The following TOLLIP variants were observed in gnomAD, a reference collection of about 807,000 sequenced individuals.
TOLLIP encodes the protein toll interacting protein.
Under a neutral mutation model 33.5 loss-of-function variants are expected in TOLLIP, and 16 were observed. The observed-to-expected ratio is 0.48, with a 90% CI of 0.32 to 0.72. The LOEUF (loss-of-function observed/expected upper bound fraction) is 0.72, where lower values mean the gene tolerates loss of function less well. Ranked by LOEUF, TOLLIP falls within the 30% of genes least tolerant of loss-of-function variation. TOLLIP has a pLI of 0.03. For missense variants in TOLLIP, 325 were observed against 396.6 expected (o/e 0.82, Z 1.53); for synonymous variants, 176 against 163.7 (o/e 1.07, Z -0.57).
intron 4 of TOLLIP, among the ~76,000 whole-genome samples, chr11:1,287,250 T>C (rs1863740488): frequency 1.3e-5 from 2 of 152,210 alleles, no homozygotes; most frequent in African/African-American, 4.8e-5. Context: ...GGTTCTGTGT[T>C]TGTATGAAAG....
At chr11:1,284,506 G>A (rs1399300200) in intron 5 of TOLLIP, among the ~76,000 whole-genome samples, 4 of 152,126 alleles carry the variant, frequency 2.6e-5, no homozygotes, top group Non-Finnish European at 5.9e-5. Context: ...CCACCACCGC[G>A]CCCGGCTAAT....
At chr11:1,308,572 T>A (rs1374243147) in intron 1 of TOLLIP, among the ~76,000 whole-genome samples, 2 of 152,048 alleles carry the variant, frequency 1.3e-5, no homozygotes, top group Non-Finnish European at 2.9e-5. Flanking sequence ...CATCTCTGAG[T>A]CAGTCTACAC....
At chr11:1,281,609 G>C (rs972392989) in intron 5 of TOLLIP, among the ~76,000 whole-genome samples, 1 of 152,248 alleles carries the variant, frequency 6.6e-6, no homozygotes, top group Non-Finnish European at 1.5e-5. Context: ...GGGCTGGCGA[G>C]AAGCAGGGCC....
chr11:1,304,025 G>A (rs1300446340), intron 1 of TOLLIP, among the ~76,000 whole-genome samples: 8 of 144,778 alleles, frequency 5.5e-5, no homozygotes, highest in Non-Finnish European at 9.0e-5. Flanking sequence ...TACAGAGCGA[G>A]CCTCCATGTA....
Position 1,275,018 on chromosome 11 carries a change from GGCCTT to G in TOLLIP, c.*2016_*2020del, listed in dbSNP as rs1229608120. ...GAAAGAAGAATCTTATTTAATTAAA[GGCCTT>G]GCAAAATGTGATTTGTCTATTAAAA... On this transcript the variant is annotated 3_prime_UTR_variant, in exon 6 of 6. Coordinates refer to ENST00000317204, the MANE Select transcript of TOLLIP (RefSeq NM_019009.4). 6.6e-6 allele frequency: 1 copy of G among 152,202 alleles called. No homozygotes were observed. The highest frequency in any genetic ancestry group is 1.9e-4 in the East Asian group (1 of 5,200). 9.4% of individuals were successfully genotyped at this position (152,202 alleles called of 1,614,324 possible).
chr11:1,284,441 T>G (rs1051858939), intron 5 of TOLLIP, among the ~76,000 whole-genome samples: 1 of 152,028 alleles, frequency 6.6e-6, no homozygotes, highest in Non-Finnish European at 1.5e-5. Flanking sequence ...CTCCACCTCC[T>G]GGGTTCACAC....
intron 1 of TOLLIP, among the ~76,000 whole-genome samples, chr11:1,307,158 A>C (rs981947436): frequency 2.0e-5 from 3 of 152,192 alleles, no homozygotes; most frequent in African/African-American, 7.2e-5. Context: ...ATTAAGTCAC[A>C]TGTACTCCAA....
chr11:1,283,859 C>T (rs1416211601), intron 5 of TOLLIP, among the ~76,000 whole-genome samples: 1 of 152,166 alleles, frequency 6.6e-6, no homozygotes, highest in East Asian at 1.9e-4. Flanking sequence ...CTCCTCACAG[C>T]CTTGACGAGT....
At position 1,287,039 on chromosome 11, in the gene TOLLIP, G is replaced by A. The variant is rs540916557; in HGVS notation, c.520-947C>T. On this transcript the variant is annotated intron_variant, in intron 4 of 5. Coordinates refer to ENST00000317204, the MANE Select transcript of TOLLIP (RefSeq NM_019009.4). The stretch of plus-strand genomic sequence containing the variant: ...GCGGATAAGTCACTGCACCACTGTC[G>A]CCTCTGAGTTCAAAACTGTCAGCTG... Among the ~76,000 whole-genome samples the A allele has an allele frequency of 8.0e-5, 12 of 150,554 alleles. No homozygotes were observed. In the East Asian group the frequency reaches 1.2e-3, roughly 15 times the overall value.
chr11:1,285,945 C>T, intron 5 of TOLLIP, 57 bp downstream of exon 5: 1 of 1,429,030 alleles, frequency 7.0e-7, no homozygotes, highest in Non-Finnish European at 9.6e-7. Flanking sequence ...CCCGCACCTG[C>T]CCTAGGCCCT....
intron 2 of TOLLIP, chr11:1,295,320 C>T (rs1435032676): frequency 8.6e-6 from 2 of 233,066 alleles, no homozygotes; most frequent in Non-Finnish European, 1.7e-5. Context: ...GCGGGGGTGC[C>T]GGCCGCGCCT....
At chr11:1,282,788 A>G (rs1164602479) in intron 5 of TOLLIP, among the ~76,000 whole-genome samples, 69 of 151,292 alleles carry the variant, frequency 4.6e-4, no homozygotes, top group Non-Finnish European at 9.4e-4. Context: ...AATTAAAATA[A>G]ATAAATAAAT....
Position 1,303,527 on chromosome 11 carries a change from C to T in TOLLIP, c.33+5939G>A, listed in dbSNP as rs1435241223. 2.0e-5 allele frequency among the ~76,000 whole-genome samples: 3 copies of T among 152,350 alleles called. No individual in the cohort carries two copies. The highest frequency in any genetic ancestry group is 2.1e-4 in the South Asian group (1 of 4,828). Reference sequence around the variant, plus strand: ...CATCATGAGTTATGCTGTATGCTAACGGCAGGAGGCGCTGTGCAAAGAAAC... The same window carrying T: ...CATCATGAGTTATGCTGTATGCTAATGGCAGGAGGCGCTGTGCAAAGAAAC... On this transcript the variant is annotated intron_variant, in intron 1 of 5. Transcript: ENST00000317204. The surrounding 1 kb of genome is among the most constrained non-coding windows in gnomAD (Gnocchi z 4.2).
chr11:1,283,480 G>T (rs1174909344), intron 5 of TOLLIP: 1 of 453,804 alleles, frequency 2.2e-6, no homozygotes, highest in East Asian at 7.0e-5. Flanking sequence ...TGGGCATGGG[G>T]GCTGGGGGCT....
intron 3 of TOLLIP, 93 bp from the exon 4 acceptor site, chr11:1,288,869 G>A (rs971792049): frequency 6.7e-5 from 95 of 1,408,002 alleles, no homozygotes; most frequent in Middle Eastern, 4.1e-4. Context: ...TCGAGTCCCC[G>A]TCTTATCTGT....
At position 1,295,905 on chromosome 11, in the gene TOLLIP, C is replaced by T. The variant is rs1864100119; in HGVS notation, c.34-111G>A. 2.2e-6 allele frequency: 3 copies of T among 1,363,834 alleles called. No homozygotes were observed. In the African/African-American group the frequency reaches 4.4e-5, roughly 20 times the overall value. 84.5% of individuals were successfully genotyped at this position (1,363,834 alleles called of 1,614,324 possible). ...GCCCCGCCCCCACCCATGTCCTTAT[C>T]AAGTCCTGGACTGTGCTCAGCCTCA... On this transcript the variant is annotated intron_variant, in intron 1 of 5. Coordinates refer to ENST00000317204, the MANE Select transcript of TOLLIP (RefSeq NM_019009.4).
In TOLLIP at chr11:1,276,560, C is replaced by T. The variant is rs768385278; in HGVS notation, c.*479G>A. 4 of 846,588 alleles carry T rather than the reference C, an allele frequency of 4.7e-6. No individual in the cohort carries two copies. The highest frequency in any genetic ancestry group is 2.7e-5 in the Admixed American group (1 of 37,228). The allele number at this position is 846,588 out of a possible 1,614,324, so 52.4% of individuals were successfully genotyped here. On this transcript the variant is annotated 3_prime_UTR_variant, in exon 6 of 6. Coordinates refer to ENST00000317204, the MANE Select transcript of TOLLIP (RefSeq NM_019009.4). ...CAGGGGCCAGGCTCACAGCAAAGCG[C>T]GTTAGGGCAAGGGCGTGAGTTTTCG...
Position 1,288,674 on chromosome 11 carries a change from T to C in TOLLIP, c.469A>G (p.Arg157Gly). ...VEDKWYSLSG[R>G]QGDDKEGMIN... is the part of the protein sequence containing the mutation. The stretch of plus-strand genomic sequence containing the variant: ...ATGCCCTCCTTGTCGTCCCCCTGCC[T>C]CCCGCTCAGGCTGTACCACTTGTCC... Residue 157 changes from arginine (R) to glycine (G), a missense_variant, in exon 4 of 6, where the codon AGG becomes GGG. Physicochemically the swap from Arg to Gly is moderately radical, Grantham distance 125. Coordinates refer to ENST00000317204, the MANE Select transcript of TOLLIP (RefSeq NM_019009.4). 6.2e-7 allele frequency: 1 copy of C among 1,612,780 alleles called. No individual in the cohort carries two copies. The highest frequency in any genetic ancestry group is 8.5e-7 in the Non-Finnish European group (1 of 1,179,798).
rs1455530759 is a variant in TOLLIP, at chr11:1,290,792, T to TG, written c.184-384dup. 1.5e-5 allele frequency: 3 copies of TG among 195,754 alleles called. No homozygotes were observed. Among genetic ancestry groups the TG allele is most frequent in the Non-Finnish European group, 2.1e-5 (2 of 94,462 alleles). The allele number at this position is 195,754 out of a possible 1,614,324, so 12.1% of individuals were successfully genotyped here. ...CAGAGCTGAGAGCCAGAGCATGACA[T>TG]GGAGTGTGAACCTGCCCCCGGAGCA... is the stretch of plus-strand genomic sequence containing the variant. On this transcript the variant is annotated intron_variant, in intron 2 of 5. Coordinates refer to ENST00000317204, the MANE Select transcript of TOLLIP (RefSeq NM_019009.4). The surrounding 1 kb of genome is among the most constrained non-coding windows in gnomAD (Gnocchi z 4.9).
Sources: gnomAD v4.1 joint callset for allele counts (sites outside exome capture counted in the v4.1 genomes callset) on GRCh38, gnomAD v4.1.1 for gene constraint, Gnocchi (gnomAD v3.1) non-coding constraint, MANE v1.5 for transcripts, NCBI Gene and HGNC (gene_info 2026-07-23, HGNC 2026-07-21) for gene names.